The following PARD3B variants were observed in gnomAD, a reference collection of about 807,000 sequenced individuals.
PARD3B encodes the protein par-3 family cell polarity regulator beta.
In PARD3B, 103 loss-of-function variants were observed where a neutral mutation model predicts 130.2. That is an observed-to-expected ratio of 0.79 (90% CI 0.67 to 0.93). The LOEUF (loss-of-function observed/expected upper bound fraction) is 0.93, where lower values mean the gene tolerates loss of function less well. Among genes scored for constraint, PARD3B ranks in the 40% least tolerant of loss-of-function variants. The pLI, the probability that PARD3B is intolerant of heterozygous loss-of-function variation, is 0.00. For synonymous variants in PARD3B, 583 were observed against 553.2 expected (o/e 1.05, Z -0.76); for missense variants, 1,609 against 1,499.2 (o/e 1.07, Z -1.21).
intron 20 of PARD3B, among the ~76,000 whole-genome samples, chr2:205,479,446 A>C (rs187250529): frequency 6.6e-6 from 1 of 152,218 alleles, no homozygotes; most frequent in Non-Finnish European, 1.5e-5. Flanking sequence ...TATAAAACCT[A>C]TGAATGATCA....
At chr2:204,885,532 T>C (rs544109141) in intron 2 of PARD3B, among the ~76,000 whole-genome samples, 6 of 152,348 alleles carry the variant, frequency 3.9e-5, no homozygotes, top group Admixed American at 3.9e-4. Flanking sequence ...GGCACATGTT[T>C]TGCTTCTTCT....
intron 16 of PARD3B, among the ~76,000 whole-genome samples, chr2:205,284,157 A>T (rs1318770659): frequency 2.6e-5 from 4 of 152,200 alleles, no homozygotes; most frequent in Admixed American, 2.0e-4. Context: ...GGGGAAAAAA[A>T]TTATTTCACC....
At position 205,440,480 on chromosome 2, in the gene PARD3B, C is replaced by T; in HGVS notation, c.2852C>T (p.Pro951Leu). Reference protein sequence around the residue: ...VYDMDDDEMDPNYARVNHFRE... With the variant: ...VYDMDDDEMDLNYARVNHFRE... ...GATATGGATGATGATGAAATGGACC[C>T]CAATTATGCCAGAGTGAACCACTTT... Residue 951 changes from proline (P) to leucine (L), a missense_variant, in exon 20 of 23, where the codon CCC (proline) becomes CTC (leucine). Transcript: ENST00000406610. The surrounding 1 kb of genome is among the most constrained non-coding windows in gnomAD (Gnocchi z 4.2). 6.2e-7 allele frequency: 1 copy of T among 1,614,066 alleles called. No individual in the cohort carries two copies. Among genetic ancestry groups the T allele is most frequent in the Non-Finnish European group, 8.5e-7 (1 of 1,179,976 alleles).
intron 3 of PARD3B, among the ~76,000 whole-genome samples, chr2:204,985,149 T>C (rs1693023138): frequency 6.6e-6 from 1 of 152,082 alleles, no homozygotes; most frequent in Non-Finnish European, 1.5e-5. Flanking sequence ...TTTCTTCCCC[T>C]TTTCCTTCCC....
chr2:204,643,292 T>C (rs966014650), intron 1 of PARD3B, among the ~76,000 whole-genome samples: 1 of 151,800 alleles, frequency 6.6e-6, no homozygotes, highest in African/African-American at 2.4e-5. Context: ...AAACCTCTTT[T>C]TTCCATAAAT....
intron 18 of PARD3B, among the ~76,000 whole-genome samples, chr2:205,399,503 C>T (rs1293503293): frequency 6.6e-6 from 1 of 151,564 alleles, no homozygotes. Flanking sequence ...TACAGGCATG[C>T]ACCACGACGC....
At chr2:205,134,413 A>G (rs1335420086) in intron 10 of PARD3B, among the ~76,000 whole-genome samples, 2 of 151,816 alleles carry the variant, frequency 1.3e-5, no homozygotes, top group East Asian at 3.9e-4. Context: ...AGTCCCAGCC[A>G]CTTGGTAGGC....
intron 20 of PARD3B, among the ~76,000 whole-genome samples, chr2:205,464,103 G>A (rs1411470828): frequency 6.6e-6 from 1 of 152,026 alleles, no homozygotes; most frequent in Non-Finnish European, 1.5e-5. Flanking sequence ...TACTTCTTAA[G>A]TCTGAAACTG....
rs1251364988 is a variant in PARD3B, at chr2:205,461,512, C to G, written c.3044+20840C>G. On this transcript the variant is annotated intron_variant, in intron 20 of 22. Transcript: ENST00000406610. The surrounding 1 kb of genome is among the most constrained non-coding windows in gnomAD (Gnocchi z 4.3). The stretch of plus-strand genomic sequence containing the variant: ...CACATTTCAGCTTACCCATGGTTCT[C>G]CAGCTGTCCAGGGACATGCACCCTC... Among the ~76,000 whole-genome samples, 1 of 152,188 alleles carries G rather than the reference C, an allele frequency of 6.6e-6. No individual in the cohort carries two copies. The highest frequency in any genetic ancestry group is 2.4e-5 in the African/African-American group (1 of 41,448).
intron 2 of PARD3B, among the ~76,000 whole-genome samples, chr2:204,744,584 G>A (rs968505993): frequency 2.6e-5 from 4 of 152,096 alleles, no homozygotes; most frequent in Non-Finnish European, 1.5e-5. Flanking sequence ...GATCTAAGAG[G>A]AGTCAGAAAG....
chr2:204,659,223 TG>T (rs2035725954), intron 1 of PARD3B, among the ~76,000 whole-genome samples: 1 of 152,186 alleles, frequency 6.6e-6, no homozygotes, highest in African/African-American at 2.4e-5. Context: ...TTGGTAATTT[TG>T]ACATAATTGA....
At chr2:204,874,601 T>C (rs2045764709) in intron 2 of PARD3B, among the ~76,000 whole-genome samples, 1 of 152,192 alleles carries the variant, frequency 6.6e-6, no homozygotes, top group Non-Finnish European at 1.5e-5. Flanking sequence ...CGAGGTATAA[T>C]TGACCAACAA....
At chr2:205,049,878 C>T (rs1392463377) in intron 4 of PARD3B, among the ~76,000 whole-genome samples, 1 of 152,094 alleles carries the variant, frequency 6.6e-6, no homozygotes, top group Admixed American at 6.6e-5. Context: ...TCATAGTGTC[C>T]TCTGTGGATG....
chr2:205,371,977 G>A (rs985865451), intron 18 of PARD3B, among the ~76,000 whole-genome samples: 1 of 152,096 alleles, frequency 6.6e-6, no homozygotes, highest in African/African-American at 2.4e-5. Flanking sequence ...GTTGTAACAT[G>A]TATCAGTACG....
intron 22 of PARD3B, among the ~76,000 whole-genome samples, chr2:205,560,389 T>G (rs1480745956): frequency 1.3e-5 from 2 of 152,204 alleles, no homozygotes; most frequent in African/African-American, 4.8e-5. Flanking sequence ...TCCGTTCCCT[T>G]GGGCCCTTTG....
chr2:204,773,172 T>TA (rs1230761681), intron 2 of PARD3B, among the ~76,000 whole-genome samples: 1 of 152,006 alleles, frequency 6.6e-6, no homozygotes, highest in Non-Finnish European at 1.5e-5. Context: ...TATTTTGCTT[T>TA]ACTTTTAAAT....
intron 4 of PARD3B, among the ~76,000 whole-genome samples, chr2:205,092,504 G>A (rs1037575143): frequency 1.3e-5 from 2 of 152,162 alleles, no homozygotes; most frequent in Non-Finnish European, 2.9e-5. Context: ...GAGGAGAAGG[G>A]TTTGGAGGTA....
At chr2:205,607,017 A>G (rs1441326696) in intron 22 of PARD3B, among the ~76,000 whole-genome samples, 1 of 152,154 alleles carries the variant, frequency 6.6e-6, no homozygotes, top group African/African-American at 2.4e-5. Context: ...AGTGATGCCA[A>G]CGTTCAAGGT....
At chr2:205,477,005 A>T (rs1259791088) in intron 20 of PARD3B, among the ~76,000 whole-genome samples, 1 of 152,192 alleles carries the variant, frequency 6.6e-6, no homozygotes, top group Non-Finnish European at 1.5e-5. Flanking sequence ...TTGTGGGTAG[A>T]TTCCAAATTG....
Sources: gnomAD v4.1 joint callset for allele counts (sites outside exome capture counted in the v4.1 genomes callset) on GRCh38, gnomAD v4.1.1 for gene constraint, Gnocchi (gnomAD v3.1) non-coding constraint, MANE v1.5 for transcripts, NCBI Gene and HGNC (gene_info 2026-07-23, HGNC 2026-07-21) for gene names.